The following ABCG2 variants were observed in gnomAD, a reference collection of about 807,000 sequenced individuals.
ABCG2 encodes ATP binding cassette subfamily G member 2 (JR blood group).
ABCG2 carries 80 observed loss-of-function variants against 73.5 expected under a neutral mutation model. The observed-to-expected ratio is 1.09, with a 90% CI of 0.91 to 1.31. The LOEUF (loss-of-function observed/expected upper bound fraction) is 1.31. Among genes scored for constraint, ABCG2 ranks in the 50% most tolerant of loss-of-function variants. ABCG2 has a pLI of 0.00. For synonymous variants in ABCG2, 269 were observed against 282.4 expected (o/e 0.95, Z 0.48); for missense variants, 796 against 786.2 (o/e 1.01, Z -0.15).
chr4:88,135,511 A>ACCCC (rs1725180417), intron 2 of ABCG2, among the ~76,000 whole-genome samples: 1 of 55,126 alleles, frequency 1.8e-5, no homozygotes. Flanking sequence ...CCTCCCTCCC[A>ACCCC]CCCTCCCATC....
chr4:88,169,671 T>C (rs1213594744), intron 1 of ABCG2, among the ~76,000 whole-genome samples: 1 of 152,092 alleles, frequency 6.6e-6, no homozygotes, highest in Non-Finnish European at 1.5e-5. Flanking sequence ...ACCAGAAAAA[T>C]AGCAAGAAGA....
intron 1 of ABCG2, among the ~76,000 whole-genome samples, chr4:88,206,999 T>G (rs1281532483): frequency 6.6e-6 from 1 of 152,180 alleles, no homozygotes; most frequent in Non-Finnish European, 1.5e-5. Flanking sequence ...TTCACCATGT[T>G]GGCCAGGCTG....
chr4:88,175,427 TA>T (rs1000382765), intron 1 of ABCG2, among the ~76,000 whole-genome samples: 31 of 151,518 alleles, frequency 2.0e-4, no homozygotes, highest in African/African-American at 7.6e-4. Flanking sequence ...AATTCCTTCT[TA>T]ATTTATTAGC....
upstream of ABCG2, chr4:88,158,912 T>C (rs2110083850): frequency 2.9e-6 from 1 of 344,686 alleles, no homozygotes; most frequent in African/African-American, 2.3e-5. Flanking sequence ...CTGAACGCAG[T>C]GGCCCCTCCC....
chr4:88,116,754 C>T (rs1578192861), intron 7 of ABCG2, among the ~76,000 whole-genome samples: 1 of 1,674 alleles, frequency 6.0e-4, no homozygotes, highest in African/African-American at 6.4e-4. Context: ...GGGGTTTCAC[C>T]GTGTTAGCCA....
intron 1 of ABCG2, among the ~76,000 whole-genome samples, chr4:88,211,360 C>CA (rs1729585583): frequency 3.4e-5 from 2 of 58,504 alleles, no homozygotes; most frequent in Admixed American, 3.5e-4. Flanking sequence ...CAACCCCTGC[C>CA]CCACCCCCCC....
chr4:88,128,431 C>T (rs1330377219), intron 5 of ABCG2, among the ~76,000 whole-genome samples: 2 of 152,094 alleles, frequency 1.3e-5, no homozygotes, highest in South Asian at 2.1e-4. Context: ...GGTATATACG[C>T]AAAGGATTAT....
intron 10 of ABCG2, among the ~76,000 whole-genome samples, chr4:88,105,572 G>C (rs1227731753): frequency 4.6e-5 from 7 of 152,104 alleles, no homozygotes; most frequent in Non-Finnish European, 7.4e-5. Flanking sequence ...ACTAACAAAA[G>C]TGCTAACCAT....
chr4:88,169,427 G>C (rs995502229), intron 1 of ABCG2, among the ~76,000 whole-genome samples: 5 of 152,102 alleles, frequency 3.3e-5, no homozygotes, highest in African/African-American at 1.2e-4. Context: ...GGTCATAAAG[G>C]CTTATTCATT....
intron 1 of ABCG2, among the ~76,000 whole-genome samples, chr4:88,214,236 T>A (rs186047392): frequency 6.2e-4 from 95 of 152,076 alleles, no homozygotes; most frequent in African/African-American, 2.0e-3. Context: ...TGTACCCGCC[T>A]CAGCTTCCCA....
chr4:88,206,406 GTTTCA>G (rs1002119227), intron 1 of ABCG2: 7 of 151,886 alleles, frequency 4.6e-5, no homozygotes, highest in African/African-American at 1.7e-4. Context: ...TTTTGTAGTT[GTTTCA>G]TTGAAAAAAA....
At chr4:88,149,773 C>T (rs1358463345) in intron 1 of ABCG2, among the ~76,000 whole-genome samples, 2 of 152,158 alleles carry the variant, frequency 1.3e-5, no homozygotes, top group Non-Finnish European at 2.9e-5. Context: ...ACTGCTTGAA[C>T]CTGGGAGGCA....
At chr4:88,148,415 G>C (rs1726198516) in intron 1 of ABCG2, among the ~76,000 whole-genome samples, 1 of 152,124 alleles carries the variant, frequency 6.6e-6, no homozygotes, top group Non-Finnish European at 1.5e-5. Context: ...AGTTTTCAGA[G>C]GGGGGCAGTA....
At chr4:88,121,215 A>T (rs887784363) in intron 6 of ABCG2, among the ~76,000 whole-genome samples, 1 of 152,194 alleles carries the variant, frequency 6.6e-6, no homozygotes, top group Non-Finnish European at 1.5e-5. Context: ...AAGTAGAGTA[A>T]AAAAGGCCCA....
At chr4:88,146,652 C>A (rs751796993) in intron 1 of ABCG2, among the ~76,000 whole-genome samples, 1 of 152,084 alleles carries the variant, frequency 6.6e-6, no homozygotes, top group Non-Finnish European at 1.5e-5. Context: ...CCTCAGCCTC[C>A]CAAAGTGCTG....
chr4:88,194,446 A>C (rs1200375796), intron 1 of ABCG2, among the ~76,000 whole-genome samples: 2 of 149,054 alleles, frequency 1.3e-5, no homozygotes, highest in Admixed American at 6.8e-5. Flanking sequence ...GCTACTCGGG[A>C]GGCTGAGGCA....
At chr4:88,198,046 AT>A (rs912591393) in intron 1 of ABCG2, among the ~76,000 whole-genome samples, 3 of 149,348 alleles carry the variant, frequency 2.0e-5, no homozygotes, top group African/African-American at 7.4e-5. Context: ...AAAAAAAAAA[AT>A]CGTTTGTTTC....
At position 88,180,393 on chromosome 4, in the gene ABCG2, A is replaced by T. The variant is rs115007188; in HGVS notation, c.-19-40379T>A. 1.5e-3 allele frequency among the ~76,000 whole-genome samples: 235 copies of T among 152,290 alleles called. 1 individual carries two copies. Among genetic ancestry groups the T allele is most frequent in the African/African-American group, 5.5e-3 (227 of 41,564 alleles). On this transcript the variant is annotated intron_variant, in intron 1 of 15. Transcript: ENST00000515655. ...ACAAAAACTGAGGAATTTTATCAAC[A>T]CCAGGCCTATCTTACAAGAAATGAT...
At chr4:88,170,168 G>A (rs1727703689) in intron 1 of ABCG2, among the ~76,000 whole-genome samples, 1 of 145,544 alleles carries the variant, frequency 6.9e-6, no homozygotes, top group Non-Finnish European at 1.5e-5. Flanking sequence ...CTCCTTTCTT[G>A]CCAGTCTCAA....
Sources: gnomAD v4.1 joint callset for allele counts (sites outside exome capture counted in the v4.1 genomes callset) on GRCh38, gnomAD v4.1.1 for gene constraint, MANE v1.5 for transcripts, NCBI Gene and HGNC (gene_info 2026-07-23, HGNC 2026-07-21) for gene names.